The following DPP10 variants were observed in gnomAD, a reference collection of about 807,000 sequenced individuals.
DPP10 encodes the protein dipeptidyl peptidase like 10.
Under a neutral mutation model 120.9 loss-of-function variants are expected in DPP10, and 33 were observed. The observed-to-expected ratio is 0.27, with a 90% CI of 0.21 to 0.37. The LOEUF is 0.37. Among genes scored for constraint, DPP10 ranks in the 10% least tolerant of loss-of-function variants. DPP10 has a pLI of 1.00. For missense variants in DPP10, 816 were observed against 942.8 expected, an observed-to-expected ratio of 0.87 and a Z score of 1.76; for synonymous variants, 337 against 326.1, an observed-to-expected ratio of 1.03 and a Z score of -0.36.
At chr2:114,965,281 C>T (rs1010889222) in intron 1 of DPP10, among the ~76,000 whole-genome samples, 11 of 151,970 alleles carry the variant, frequency 7.2e-5, no homozygotes, top group East Asian at 1.9e-4. Context: ...GGATTACAGG[C>T]GTGTGCCACC....
intron 1 of DPP10, among the ~76,000 whole-genome samples, chr2:114,881,537 C>A (rs1329347768): frequency 1.4e-5 from 2 of 143,302 alleles, no homozygotes; most frequent in African/African-American, 2.7e-5. Flanking sequence ...TCTATCTATC[C>A]TATCTATCTA....
intron 1 of DPP10, among the ~76,000 whole-genome samples, chr2:114,596,248 T>G (rs1162053569): frequency 1.3e-5 from 2 of 152,080 alleles, no homozygotes; most frequent in African/African-American, 4.8e-5. Context: ...AATTATTTAT[T>G]TTTATATGTA....
chr2:115,265,687 T>C (rs928538816), intron 1 of DPP10, among the ~76,000 whole-genome samples: 2 of 152,142 alleles, frequency 1.3e-5, no homozygotes, highest in Non-Finnish European at 2.9e-5. Flanking sequence ...TTAGGTTTAA[T>C]GGTGGCCAGG....
chr2:114,531,497 A>G (rs1334022960), intron 1 of DPP10, among the ~76,000 whole-genome samples: 1 of 149,616 alleles, frequency 6.7e-6, no homozygotes, highest in Non-Finnish European at 1.5e-5. Context: ...CTCTCCCTAT[A>G]TATATCTATG....
At chr2:115,200,268 A>T (rs764650587) in intron 1 of DPP10, among the ~76,000 whole-genome samples, 1 of 152,156 alleles carries the variant, frequency 6.6e-6, no homozygotes, top group Non-Finnish European at 1.5e-5. Flanking sequence ...ATTGAGAGAG[A>T]TCATTTGTTG....
chr2:114,442,923 G>C (rs1283920758), intron 1 of DPP10, 85 bp downstream of exon 1: 1 of 1,511,388 alleles, frequency 6.6e-7, no homozygotes, highest in Non-Finnish European at 9.1e-7. Context: ...TCGGGGTACT[G>C]ACAGTGGACA....
At chr2:114,475,004 C>A (rs1323231383) in intron 1 of DPP10, among the ~76,000 whole-genome samples, 1 of 152,190 alleles carries the variant, frequency 6.6e-6, no homozygotes, top group African/African-American at 2.4e-5. Context: ...GTTCTTGAAG[C>A]AATCTGGTCA....
intron 1 of DPP10, among the ~76,000 whole-genome samples, chr2:114,891,829 T>G (rs936966073): frequency 1.3e-5 from 2 of 152,214 alleles, no homozygotes; most frequent in African/African-American, 4.8e-5. Flanking sequence ...AATTACAATT[T>G]AGACAAGACA....
chr2:115,245,939 T>C (rs552350996), intron 1 of DPP10, among the ~76,000 whole-genome samples: 2 of 152,246 alleles, frequency 1.3e-5, no homozygotes, highest in Middle Eastern at 3.4e-3. Flanking sequence ...TTTTTTTAAA[T>C]TGACTTTTGA....
intron 1 of DPP10, among the ~76,000 whole-genome samples, chr2:115,035,750 T>G (rs916307573): frequency 6.6e-6 from 1 of 152,210 alleles, no homozygotes; most frequent in Non-Finnish European, 1.5e-5. Flanking sequence ...AACTACTTTA[T>G]AAGGTTGTCA....
At chr2:115,384,838 C>T (rs917552984) in intron 3 of DPP10, among the ~76,000 whole-genome samples, 1 of 152,188 alleles carries the variant, frequency 6.6e-6, no homozygotes, top group African/African-American at 2.4e-5. Flanking sequence ...CTTTTCTCCA[C>T]CCAAATCTCA....
chr2:115,744,493 G>T (rs1677699488), intron 9 of DPP10, among the ~76,000 whole-genome samples: 1 of 150,380 alleles, frequency 6.6e-6, no homozygotes, highest in African/African-American at 2.4e-5. Flanking sequence ...TTCTGATCCA[G>T]AACCTTTGGC....
At chr2:114,805,451 C>T (rs1397809501) in intron 1 of DPP10, among the ~76,000 whole-genome samples, 1 of 152,136 alleles carries the variant, frequency 6.6e-6, no homozygotes, top group Non-Finnish European at 1.5e-5. Context: ...GCAACTTCTC[C>T]TCTTAACTAA....
intron 1 of DPP10, among the ~76,000 whole-genome samples, chr2:115,155,609 T>C (rs971904774): frequency 5.9e-5 from 9 of 152,230 alleles, no homozygotes; most frequent in African/African-American, 2.2e-4. Flanking sequence ...AATTGTTAAG[T>C]GTAACAAATG....
At chr2:115,024,616 A>G (rs1366064629) in intron 1 of DPP10, among the ~76,000 whole-genome samples, 1 of 150,790 alleles carries the variant, frequency 6.6e-6, no homozygotes, top group East Asian at 1.9e-4. Context: ...GATATACATA[A>G]CCTTAAATGT....
intron 1 of DPP10, among the ~76,000 whole-genome samples, chr2:114,842,983 CGT>C (rs1439634570): frequency 6.6e-6 from 1 of 152,012 alleles, no homozygotes; most frequent in Non-Finnish European, 1.5e-5. Context: ...TAAAAAGTGA[CGT>C]GCTCAGTAAA....
chr2:115,042,783 G>C (rs1704762294), intron 1 of DPP10, among the ~76,000 whole-genome samples: 2 of 152,158 alleles, frequency 1.3e-5, no homozygotes, highest in Admixed American at 6.5e-5. Flanking sequence ...CTATTGTATA[G>C]TATCTGCTCT....
intron 1 of DPP10, among the ~76,000 whole-genome samples, chr2:114,488,609 G>A (rs149923225): frequency 1.5e-3 from 223 of 152,274 alleles, no homozygotes; most frequent in African/African-American, 4.6e-3. Context: ...ATCTCTGAGC[G>A]GTGGCAGAGC....
chr2:114,617,095 A>G (rs1693731548), intron 1 of DPP10, among the ~76,000 whole-genome samples: 1 of 152,136 alleles, frequency 6.6e-6, no homozygotes, highest in South Asian at 2.1e-4. Context: ...GGTTACTTCA[A>G]CAAGTCAATG....
Sources: allele counts gnomAD v4.1 joint callset (sites outside exome capture counted in the v4.1 genomes callset), GRCh38; gene constraint gnomAD v4.1.1; transcripts MANE v1.5; gene names NCBI Gene and HGNC (gene_info 2026-07-23, HGNC 2026-07-21).